The following LIPA variants were observed in gnomAD, a reference collection of about 807,000 sequenced individuals.
LIPA encodes the protein lipase A, lysosomal acid type, also known as lysosomal acid lipase/cholesteryl ester hydrolase.
Under a neutral mutation model 40.6 loss-of-function variants are expected in LIPA, and 26 were observed. The observed-to-expected ratio is 0.64, with a 90% CI of 0.47 to 0.89. LIPA has a LOEUF of 0.89. Among genes scored for constraint, LIPA ranks in the 40% least tolerant of loss-of-function variants. The pLI is 0.00. For synonymous variants in LIPA, 188 were observed against 168.4 expected, an observed-to-expected ratio of 1.12 and a Z score of -0.90; for missense variants, 455 against 479.6, an observed-to-expected ratio of 0.95 and a Z score of 0.48.
intron 1 of LIPA, among the ~76,000 whole-genome samples, chr10:89,304,865 A>C (rs1843468477): frequency 6.6e-6 from 1 of 152,062 alleles, no homozygotes; most frequent in Non-Finnish European, 1.5e-5. Flanking sequence ...GGAGAGTCAT[A>C]AGGGTACCCT....
rs142594299 is a variant in LIPA, at chr10:89,272,563, G to T, written c.-1-24914C>A. Among the ~76,000 whole-genome samples, 264 of 152,260 alleles carry T rather than the reference G, an allele frequency of 1.7e-3. 1 individual carries two copies. Among genetic ancestry groups the T allele is most frequent in the Non-Finnish European group, 2.7e-3 (184 of 68,016 alleles). On this transcript the variant is annotated intron_variant, in intron 1 of 5. Transcript: ENST00000282673. Reference sequence around the variant, plus strand: ...ATAGTGCTGCAATGAACATATACGTGCATGTGTCTTTATAATAGAATGATT... The same window carrying T: ...ATAGTGCTGCAATGAACATATACGTTCATGTGTCTTTATAATAGAATGATT...
At chr10:89,228,435 A>G in intron 3 of LIPA, 37 bp from the exon 4 acceptor site, 1 of 1,533,814 alleles carries the variant, frequency 6.5e-7, no homozygotes, top group Non-Finnish European at 9.0e-7. Flanking sequence ...CAGTAGCACC[A>G]AGCTTCAAAA....
chr10:89,414,017 T>C (rs1841504273), intron 1 of LIPA, among the ~76,000 whole-genome samples: 1 of 152,234 alleles, frequency 6.6e-6, no homozygotes, highest in Non-Finnish European at 1.5e-5. Context: ...AATACCACTC[T>C]TGTCTTTATT....
upstream of LIPA, among the ~76,000 whole-genome samples, chr10:89,344,854 T>G (rs1843905039): frequency 6.6e-6 from 1 of 152,104 alleles, no homozygotes; most frequent in African/African-American, 2.4e-5. Flanking sequence ...TAATAAACGA[T>G]AAGCCAGAGC....
upstream of LIPA, chr10:89,414,641 C>A: frequency 1.4e-6 from 1 of 702,740 alleles, no homozygotes; most frequent in Non-Finnish European, 2.2e-6. Flanking sequence ...TCTCCTTTAA[C>A]AAAGACACGC....
intron 2 of LIPA, among the ~76,000 whole-genome samples, chr10:89,359,484 A>G (rs1844007745): frequency 6.6e-6 from 1 of 152,214 alleles, no homozygotes; most frequent in Non-Finnish European, 1.5e-5. Flanking sequence ...GTTGACCAGG[A>G]AACCAGGTTG....
rs1396937088 is a variant in LIPA at position 89,215,056 on chromosome 10, A to G, written c.972T>C (p.Tyr324=). 1.9e-6 allele frequency: 3 copies of G among 1,608,916 alleles called. No individual in the cohort carries two copies. The highest frequency in any genetic ancestry group is 2.2e-5 in the East Asian group (1 of 44,856). The change falls in exon 10 of 10, where the codon TAT becomes TAC. Residue 324 remains tyrosine, a synonymous_variant. Transcript: ENST00000336233. Reference sequence around the variant, plus strand: ...TGTCCTTCACATTGTATGTGGGAGGATAACTCTACAATGAAAAGGAACCAG... The same window carrying G: ...TGTCCTTCACATTGTATGTGGGAGGGTAACTCTACAATGAAAAGGAACCAG... ...AKNYFHYNQS[Y]PPTYNVKDML...
chr10:89,346,474 A>C (rs1341162186), upstream of LIPA, among the ~76,000 whole-genome samples: 3 of 152,218 alleles, frequency 2.0e-5, no homozygotes, highest in East Asian at 5.8e-4. Context: ...GCTCAACTAG[A>C]GTTTGATGAA....
At chr10:89,226,766 T>C in intron 5 of LIPA, 129 bp downstream of exon 5, 1 of 662,526 alleles carries the variant, frequency 1.5e-6, no homozygotes, top group Non-Finnish European at 2.7e-6. Flanking sequence ...ATCTTATTCA[T>C]TATTTCTGTT....
rs370638979 is a variant in LIPA at position 89,412,470 on chromosome 10, T to C, written c.61+321A>G. On this transcript the variant is annotated intron_variant, in intron 2 of 8. Transcript: ENST00000371837. ...GTAAAATGGACCAATCAGCAGGATA[T>C]GGGTGGAGCCAAATAAGGGAATAAA... Among the ~76,000 whole-genome samples, 12 of 152,204 alleles carry C rather than the reference T, an allele frequency of 7.9e-5. No homozygotes were observed. In the East Asian group the frequency reaches 2.3e-3, roughly 29 times the overall value.
chr10:89,287,077 T>G (rs1325858855), intron 1 of LIPA, among the ~76,000 whole-genome samples: 1 of 152,176 alleles, frequency 6.6e-6, no homozygotes, highest in Non-Finnish European at 1.5e-5. Context: ...ACTGTCCAGC[T>G]CACCTGGCAG....
rs559915992 is a variant in LIPA, at chr10:89,273,937, C to G, written c.-1-26288G>C. Among the ~76,000 whole-genome samples, 47 of 152,310 alleles carry G rather than the reference C, an allele frequency of 3.1e-4. No homozygotes were observed. In the South Asian group the frequency reaches 9.5e-3, roughly 31 times the overall value. Reference sequence around the variant, plus strand: ...TGTATTGTCTATGACTGCTTTTACACTACTTTTACAGCACAGTTGAGTAGT... The same window carrying G: ...TGTATTGTCTATGACTGCTTTTACAGTACTTTTACAGCACAGTTGAGTAGT... On this transcript the variant is annotated intron_variant, in intron 1 of 5. Transcript: ENST00000282673.
chr10:89,383,749 G>A (rs1417783502), intron 2 of LIPA: 2 of 1,614,096 alleles, frequency 1.2e-6, no homozygotes, highest in East Asian at 4.5e-5. Flanking sequence ...CTGTGAGGAA[G>A]GATGGGCCTT....
chr10:89,402,877 T>C, intron 2 of LIPA: 1 of 1,614,184 alleles, frequency 6.2e-7, no homozygotes, highest in Non-Finnish European at 8.5e-7. Flanking sequence ...CACAAGCCAT[T>C]TTCTTTGCTT....
chr10:89,306,339 C>G, intron 1 of LIPA: 1 of 1,614,096 alleles, frequency 6.2e-7, no homozygotes, highest in South Asian at 1.1e-5. Context: ...GAGAAGTTTT[C>G]CAGTCCCTAT....
chr10:89,399,810 C>T (rs1017323462), intron 2 of LIPA, among the ~76,000 whole-genome samples: 1 of 149,316 alleles, frequency 6.7e-6, no homozygotes, highest in African/African-American at 2.4e-5. Flanking sequence ...TAAATAAAAT[C>T]GTAAGAGTGA....
chr10:89,288,506 A>G (rs1843353576), intron 1 of LIPA, among the ~76,000 whole-genome samples: 2 of 152,200 alleles, frequency 1.3e-5, no homozygotes, highest in South Asian at 4.1e-4. Flanking sequence ...TGCATCCTGT[A>G]GCCTTTCTGT....
At chr10:89,236,672 G>A (rs557134907) in intron 3 of LIPA, among the ~76,000 whole-genome samples, 4 of 152,274 alleles carry the variant, frequency 2.6e-5, no homozygotes, top group African/African-American at 7.2e-5. Context: ...AAAAGGGAAA[G>A]AAAATTTGTG....
chr10:89,407,519 G>A (rs1292980817), intron 2 of LIPA, among the ~76,000 whole-genome samples: 2 of 152,178 alleles, frequency 1.3e-5, no homozygotes, highest in African/African-American at 2.4e-5. Context: ...CAGACAAGCA[G>A]GCCTAACAAA....
Sources: allele counts gnomAD v4.1 joint callset (sites outside exome capture counted in the v4.1 genomes callset), GRCh38; gene constraint gnomAD v4.1.1; transcripts MANE v1.5; gene names NCBI Gene and HGNC (gene_info 2026-07-23, HGNC 2026-07-21).